Variants in PBX1 observed in about 807,000 individuals in gnomAD.
PBX1 encodes the protein pre-B-cell leukemia transcription factor 1.
In PBX1, 6 loss-of-function variants were observed where a neutral mutation model predicts 53.4. That is an observed-to-expected ratio of 0.11 (90% CI 0.06 to 0.22). The LOEUF (loss-of-function observed/expected upper bound fraction) is 0.22. Among genes scored for constraint, PBX1 ranks in the 10% least tolerant of loss-of-function variants. PBX1 has a pLI of 1.00. For missense variants in PBX1, 251 were observed against 551.4 expected, an observed-to-expected ratio of 0.46 and a Z score of 5.46; for synonymous variants, 204 against 212.3, an observed-to-expected ratio of 0.96 and a Z score of 0.34.
intron 2 of PBX1, among the ~76,000 whole-genome samples, chr1:164,622,810 C>T (rs1342803720): frequency 6.7e-6 from 1 of 148,700 alleles, no homozygotes; most frequent in African/African-American, 2.5e-5. Context: ...CATACATACA[C>T]ACAGTTTCCA....
chr1:164,678,049 C>T lies in PBX1; in HGVS notation c.266-114445C>T, dbSNP rs146027849. ...ACCTCTTTTCAATTCAACATGGTAC[C>T]TTAACTCAAGAAAGGATGGTAGGCT... On this transcript the variant is annotated intron_variant, in intron 2 of 8. Coordinates refer to ENST00000420696, the MANE Select transcript of PBX1 (RefSeq NM_002585.4). Among the ~76,000 whole-genome samples, 419 of 152,216 alleles carry T rather than the reference C, an allele frequency of 2.8e-3. 1 individual carries two copies. Among genetic ancestry groups the T allele is most frequent in the Admixed American group, 4.4e-3 (67 of 15,278 alleles).
At chr1:164,826,593 T>C (rs762295500) in intron 8 of PBX1, among the ~76,000 whole-genome samples, 2 of 152,106 alleles carry the variant, frequency 1.3e-5, no homozygotes, top group East Asian at 1.9e-4. Context: ...TCAGTAGAGA[T>C]GGGGTTTCAC....
intron 2 of PBX1, chr1:164,674,420 C>A (rs1203213522): frequency 6.6e-6 from 1 of 152,196 alleles, no homozygotes; most frequent in African/African-American, 2.4e-5. Context: ...TGGCCAAAGT[C>A]ACCATTGCTT....
rs560480901 is a variant in PBX1, at chr1:164,783,139, C to T, written c.266-9355C>T. Among the ~76,000 whole-genome samples the T allele has an allele frequency of 2.4e-4, 36 of 152,186 alleles. 1 individual carries two copies. Among genetic ancestry groups the T allele is most frequent in the Non-Finnish European group, 4.3e-4 (29 of 68,016 alleles). On this transcript the variant is annotated intron_variant, in intron 2 of 8. Transcript: ENST00000420696. Reference sequence around the variant, plus strand: ...CTCTGCCAGGCCAGGAGGATGGTGTCGCCTCTGGCTCAGGGGAGACTAGGG... The same window carrying T: ...CTCTGCCAGGCCAGGAGGATGGTGTTGCCTCTGGCTCAGGGGAGACTAGGG...
In PBX1 at chr1:164,714,750, G is replaced by A. The variant is rs949655196; in HGVS notation, c.266-77744G>A. 5.9e-5 allele frequency among the ~76,000 whole-genome samples: 9 copies of A among 151,958 alleles called. No individual in the cohort carries two copies. The East Asian group carries it at 7.7e-4, about 13-fold the overall frequency. On this transcript the variant is annotated intron_variant, in intron 2 of 8. Coordinates refer to ENST00000420696, the MANE Select transcript of PBX1 (RefSeq NM_002585.4). ...TGTTCACAAGTGTTAGAATTATGTC[G>A]TCCTAGAGCTGGAAGAACCCACTCT...
chr1:164,693,575 C>T (rs142989991), intron 2 of PBX1, among the ~76,000 whole-genome samples: 67 of 152,270 alleles, frequency 4.4e-4, no homozygotes, highest in Non-Finnish European at 2.1e-4. Context: ...CATTTTCCAT[C>T]GGCAGGGGAG....
At chr1:164,660,199 A>G (rs1240761933) in intron 2 of PBX1, among the ~76,000 whole-genome samples, 1 of 152,206 alleles carries the variant, frequency 6.6e-6, no homozygotes, top group African/African-American at 2.4e-5. Flanking sequence ...AACAAGGTTT[A>G]AGCAAACTGG....
chr1:164,589,021 G>A (rs1341066524), intron 2 of PBX1, among the ~76,000 whole-genome samples: 1 of 152,066 alleles, frequency 6.6e-6, no homozygotes, highest in Non-Finnish European at 1.5e-5. Flanking sequence ...CCCGATGAAG[G>A]GTTCATCCAA....
In PBX1 at chr1:164,848,851, G is replaced by A. The variant is rs1467549020; in HGVS notation, c.*2175G>A. On this transcript the variant is annotated 3_prime_UTR_variant, in exon 9 of 9. Transcript: ENST00000420696. ...AACACTGTGTGTGCTCAGGGGAGCA[G>A]GGGATGCCACTGAAGAAACTCAAGG... 3 of 1,065,506 alleles carry A rather than the reference G, an allele frequency of 2.8e-6. No homozygotes were observed. Among genetic ancestry groups the A allele is most frequent in the Middle Eastern group, 4.1e-4 (1 of 2,430 alleles). 66.0% of individuals were successfully genotyped at this position (1,065,506 alleles called of 1,614,324 possible).
intron 2 of PBX1, among the ~76,000 whole-genome samples, chr1:164,774,055 G>A (rs1667525677): frequency 6.6e-6 from 1 of 152,170 alleles, no homozygotes; most frequent in South Asian, 2.1e-4. Context: ...AACTTCAGAG[G>A]GGGCTAAGAT....
chr1:164,744,159 G>C (rs1291539542), intron 2 of PBX1, among the ~76,000 whole-genome samples: 1 of 152,094 alleles, frequency 6.6e-6, no homozygotes, highest in Non-Finnish European at 1.5e-5. Flanking sequence ...AGAAGACACA[G>C]GCAAACTCTT....
intron 2 of PBX1, among the ~76,000 whole-genome samples, chr1:164,626,770 TTC>T (rs1658075235): frequency 6.6e-6 from 1 of 152,164 alleles, no homozygotes; most frequent in African/African-American, 2.4e-5. Context: ...TGTTTAGATT[TTC>T]TCATCAACGT....
At chr1:164,685,758 A>T (rs1662057821) in intron 2 of PBX1, among the ~76,000 whole-genome samples, 1 of 152,216 alleles carries the variant, frequency 6.6e-6, no homozygotes, top group African/African-American at 2.4e-5. Flanking sequence ...TTAATTCCAA[A>T]GTCACACAGC....
At chr1:164,808,855 G>T (rs1439587603) in intron 5 of PBX1, among the ~76,000 whole-genome samples, 1 of 152,162 alleles carries the variant, frequency 6.6e-6, no homozygotes, top group Non-Finnish European at 1.5e-5. Flanking sequence ...AGAATGAATT[G>T]ACTCCTTTTT....
chr1:164,831,072 G>A (rs1476666762), intron 8 of PBX1, among the ~76,000 whole-genome samples: 1 of 151,998 alleles, frequency 6.6e-6, no homozygotes, highest in Non-Finnish European at 1.5e-5. Context: ...TCAAACATAT[G>A]GAAAACTGGA....
chr1:164,725,368 T>C (rs1243694502), intron 2 of PBX1, among the ~76,000 whole-genome samples: 1 of 152,172 alleles, frequency 6.6e-6, no homozygotes. Context: ...TGTGTTCACA[T>C]AGTTAACCAG....
At chr1:164,793,010 T>C (rs1266764156) in intron 3 of PBX1, among the ~76,000 whole-genome samples, 2 of 152,168 alleles carry the variant, frequency 1.3e-5, no homozygotes, top group African/African-American at 4.8e-5. Context: ...AAATCGTGCA[T>C]AGAAGGAACA....
chr1:164,735,313 A>AT (rs1665207044), intron 2 of PBX1, among the ~76,000 whole-genome samples: 1 of 152,244 alleles, frequency 6.6e-6, no homozygotes, highest in African/African-American at 2.4e-5. Flanking sequence ...TTATGCGTCT[A>AT]TAAAACATGT....
intron 2 of PBX1, chr1:164,884,490 G>T: frequency 2.1e-6 from 1 of 482,008 alleles, no homozygotes; most frequent in Non-Finnish European, 4.1e-6. Flanking sequence ...AAGATCTGTG[G>T]ATAGGGGGTG....
Sources: gnomAD v4.1 joint callset for allele counts (sites outside exome capture counted in the v4.1 genomes callset) on GRCh38, gnomAD v4.1.1 for gene constraint, MANE v1.5 for transcripts, NCBI Gene and HGNC (gene_info 2026-07-23, HGNC 2026-07-21) for gene names.